The following MICAL2 variants were observed in gnomAD, a reference collection of about 807,000 sequenced individuals.
The protein encoded by MICAL2 is microtubule associated monooxygenase, calponin and LIM domain containing 2.
MICAL2 carries 77 observed loss-of-function variants against 127.3 expected under a neutral mutation model. The observed-to-expected ratio is 0.60, with a 90% CI of 0.50 to 0.73. The LOEUF (loss-of-function observed/expected upper bound fraction) is 0.73, where lower values mean the gene tolerates loss of function less well. Among genes scored for constraint, MICAL2 ranks in the 30% least tolerant of loss-of-function variants. The pLI, the probability that MICAL2 is intolerant of heterozygous loss-of-function variation, is 0.00. For synonymous variants in MICAL2, 570 were observed against 551.1 expected, an observed-to-expected ratio of 1.03 and a Z score of -0.48; for missense variants, 1,351 against 1,434.4, an observed-to-expected ratio of 0.94 and a Z score of 0.94.
intron 7 of MICAL2, among the ~76,000 whole-genome samples, chr11:12,214,766 G>C (rs1855937940): frequency 6.6e-6 from 1 of 152,078 alleles, no homozygotes. Flanking sequence ...TCCACCATGA[G>C]AGATCATGAA....
At chr11:12,156,492 G>A (rs941293749) in intron 2 of MICAL2, among the ~76,000 whole-genome samples, 2 of 152,158 alleles carry the variant, frequency 1.3e-5, no homozygotes, top group African/African-American at 2.4e-5. Flanking sequence ...GGCAGTACAC[G>A]CTCCTCTGTT....
chr11:12,134,403 T>G (rs1204699734), intron 1 of MICAL2, among the ~76,000 whole-genome samples: 1 of 152,212 alleles, frequency 6.6e-6, no homozygotes, highest in Non-Finnish European at 1.5e-5. Flanking sequence ...GGGCTGGGTC[T>G]GAGGCTCCGT....
chr11:12,271,386 T>C (rs556053775), upstream of MICAL2, among the ~76,000 whole-genome samples: 2 of 152,312 alleles, frequency 1.3e-5, no homozygotes, highest in East Asian at 1.9e-4. Flanking sequence ...GGTGTGGGCA[T>C]GCAGCACAGG....
intron 2 of MICAL2, among the ~76,000 whole-genome samples, chr11:12,282,826 G>T (rs947743385): frequency 3.3e-5 from 5 of 152,196 alleles, no homozygotes; most frequent in Non-Finnish European, 7.3e-5. Context: ...CTCAGAAAAT[G>T]CAGCCTTAGT....
chr11:12,218,191 G>A (rs903070072), intron 8 of MICAL2, among the ~76,000 whole-genome samples: 6 of 152,296 alleles, frequency 3.9e-5, no homozygotes, highest in African/African-American at 4.8e-5. Context: ...TCAAGCAGCC[G>A]TGCCTCTGGG....
intron 3 of MICAL2, among the ~76,000 whole-genome samples, chr11:12,192,654 T>C (rs990010328): frequency 1.3e-5 from 2 of 152,144 alleles, no homozygotes; most frequent in Non-Finnish European, 2.9e-5. Flanking sequence ...GATGGGTACC[T>C]GTAATCCCAG....
intron 29 of MICAL2, among the ~76,000 whole-genome samples, chr11:12,317,023 T>G (rs1381898045): frequency 1.3e-5 from 2 of 152,222 alleles, no homozygotes; most frequent in Non-Finnish European, 2.9e-5. Context: ...GCTACAACTT[T>G]CCAGCAGCTA....
intron 1 of MICAL2, among the ~76,000 whole-genome samples, chr11:12,279,141 AG>A (rs556662468): frequency 4.3e-4 from 65 of 152,354 alleles, no homozygotes; most frequent in African/African-American, 1.4e-3. Flanking sequence ...CAAAGGAACC[AG>A]GAGATGGCAC....
chr11:12,333,511 T>C (rs1187553679), intron 32 of MICAL2, among the ~76,000 whole-genome samples: 1 of 152,232 alleles, frequency 6.6e-6, no homozygotes, highest in African/African-American at 2.4e-5. Flanking sequence ...TATTTAACTT[T>C]GTGCAGGAGA....
intron 2 of MICAL2, among the ~76,000 whole-genome samples, chr11:12,146,908 T>C (rs1852975569): frequency 6.6e-6 from 1 of 152,106 alleles, no homozygotes. Flanking sequence ...ATGTCCTTTG[T>C]AGGGACATGG....
chr11:12,210,206 G>C (rs979593441), intron 6 of MICAL2, among the ~76,000 whole-genome samples: 4 of 152,124 alleles, frequency 2.6e-5, no homozygotes, highest in Non-Finnish European at 5.9e-5. Context: ...CGTGGGGTAA[G>C]ATCCTGTCAG....
chr11:12,200,667 C>T (rs908437521), intron 3 of MICAL2, among the ~76,000 whole-genome samples: 1 of 152,210 alleles, frequency 6.6e-6, no homozygotes, highest in African/African-American at 2.4e-5. Flanking sequence ...TGACTGGCAT[C>T]TCTGAAATTT....
chr11:12,319,883 A>G (rs951786635), intron 30 of MICAL2: 23 of 1,103,004 alleles, frequency 2.1e-5, no homozygotes, highest in Middle Eastern at 2.0e-4. Flanking sequence ...TTCAGAACCA[A>G]TGTGGGCTCC....
chr11:12,361,870 C>T (rs1055849005), downstream of MICAL2, among the ~76,000 whole-genome samples: 2 of 152,126 alleles, frequency 1.3e-5, no homozygotes, highest in Non-Finnish European at 2.9e-5. Flanking sequence ...AGGGGGCAGC[C>T]GGGGCCGCCA....
chr11:12,207,778 A>G lies in MICAL2; in HGVS notation c.473-245A>G, dbSNP rs977496532. The G allele has an allele frequency of 6.0e-5, 25 of 419,494 alleles. No individual in the cohort carries two copies. The Admixed American group carries it at 9.4e-4, about 16-fold the overall frequency. The allele number at this position is 419,494 out of a possible 1,614,324, so 26.0% of individuals were successfully genotyped here. On this transcript the variant is annotated intron_variant, in intron 4 of 27. Transcript: ENST00000683283. ...TGCTCTGTGTCGCCTTGAGCAAGTCATTTAACTTTGTTAAGCCTCAATTTC... is the reference window on the plus strand; with the variant it reads ...TGCTCTGTGTCGCCTTGAGCAAGTCGTTTAACTTTGTTAAGCCTCAATTTC...
intron 2 of MICAL2, among the ~76,000 whole-genome samples, chr11:12,283,931 G>T (rs1863797873): frequency 1.3e-5 from 2 of 152,168 alleles, no homozygotes; most frequent in South Asian, 4.1e-4. Flanking sequence ...AGATTCCCAG[G>T]TTCTCACCAT....
chr11:12,283,188 T>C (rs1428412332), intron 2 of MICAL2, among the ~76,000 whole-genome samples: 1 of 152,168 alleles, frequency 6.6e-6, no homozygotes, highest in Non-Finnish European at 1.5e-5. Flanking sequence ...CCCATCACTT[T>C]ACCAAATAAT....
chr11:12,221,596 T>G (rs766304240), intron 9 of MICAL2, 48 bp from the exon 10 acceptor site: 12 of 1,324,800 alleles, frequency 9.1e-6, no homozygotes, highest in Admixed American at 3.4e-5. Flanking sequence ...AGATCATAGA[T>G]CGGGAGTCAT....
At chr11:12,281,181 G>T in intron 2 of MICAL2, 1 of 398,540 alleles carries the variant, frequency 2.5e-6, no homozygotes, top group South Asian at 1.3e-4. Context: ...CCTCTTGGAG[G>T]ACCAGGTGAC....
Sources: gnomAD v4.1 joint callset for allele counts (sites outside exome capture counted in the v4.1 genomes callset) on GRCh38, gnomAD v4.1.1 for gene constraint, MANE v1.5 for transcripts, NCBI Gene and HGNC (gene_info 2026-07-23, HGNC 2026-07-21) for gene names.